Variants in SEC24D observed in about 807,000 individuals in gnomAD.
The protein encoded by SEC24D is protein transport protein Sec24D.
A neutral mutation model predicts 116.9 loss-of-function variants in SEC24D; 69 were observed. The observed-to-expected ratio is 0.59, with a 90% CI of 0.49 to 0.72. The LOEUF (loss-of-function observed/expected upper bound fraction) is 0.72. SEC24D is among the 30% of genes least tolerant of loss of function. The pLI, the probability that SEC24D is intolerant of heterozygous loss-of-function variation, is 0.00. For synonymous variants in SEC24D, 405 were observed against 442.8 expected (o/e 0.91, Z 1.07); for missense variants, 1,131 against 1,264.1 (o/e 0.89, Z 1.60).
chr4:118,730,111 T>G (rs530522870), intron 21 of SEC24D: 1 of 152,346 alleles, frequency 6.6e-6, no homozygotes, highest in South Asian at 2.1e-4. Flanking sequence ...CACTGGCTAT[T>G]TCCTGTGGAT....
chr4:118,801,697 G>A (rs766474174), intron 7 of SEC24D, among the ~76,000 whole-genome samples: 8 of 152,126 alleles, frequency 5.3e-5, no homozygotes, highest in Non-Finnish European at 7.4e-5. Flanking sequence ...CCTTTAAAGG[G>A]TTTATTTTTT....
intron 9 of SEC24D, among the ~76,000 whole-genome samples, chr4:118,765,921 C>T (rs753453406): frequency 2.0e-5 from 3 of 151,928 alleles, no homozygotes; most frequent in Non-Finnish European, 2.9e-5. Flanking sequence ...TTCTTATGCA[C>T]ATATGGATCT....
At chr4:118,768,057 A>G in intron 9 of SEC24D, 116 bp downstream of exon 9, 1 of 781,214 alleles carries the variant, frequency 1.3e-6, no homozygotes, top group South Asian at 2.7e-5. Context: ...AGAAAATTAT[A>G]AAGAAGGTAC....
rs1268030163 is a variant in SEC24D, at chr4:118,797,761, G to A, written c.963C>T (p.Cys321=). ...FIRCTTYCFP[C]TSDMAKQAQI... Reference sequence around the variant, plus strand: ...GAGCTTGCTTAGCCATATCTGACGTGCATGGAAAACAGTATGTTGTACAAC... The same window carrying A: ...GAGCTTGCTTAGCCATATCTGACGTACATGGAAAACAGTATGTTGTACAAC... Residue 321 remains cysteine (C), a synonymous_variant, in exon 8 of 23, where the codon TGC becomes TGT. Transcript: ENST00000280551. 6.8e-6 allele frequency: 11 copies of A among 1,611,166 alleles called. No individual in the cohort carries two copies. The highest frequency in any genetic ancestry group is 9.3e-6 in the Non-Finnish European group (11 of 1,177,842).
At chr4:118,816,015 G>A (rs1380898822) in intron 4 of SEC24D, among the ~76,000 whole-genome samples, 2 of 151,558 alleles carry the variant, frequency 1.3e-5, no homozygotes, top group African/African-American at 4.9e-5. Context: ...TCAACATCCT[G>A]GGCTCCAGTG....
At chr4:118,768,016 A>G (rs1194979838) in intron 9 of SEC24D, among the ~76,000 whole-genome samples, 157 bp downstream of exon 9, 1 of 152,238 alleles carries the variant, frequency 6.6e-6, no homozygotes, top group East Asian at 1.9e-4. Flanking sequence ...TAAATTTCCC[A>G]AATAGAGCCT....
chr4:118,833,481 G>T, intron 2 of SEC24D, 98 bp downstream of exon 2: 2 of 792,466 alleles, frequency 2.5e-6, no homozygotes, highest in South Asian at 3.7e-5. Flanking sequence ...ATTATATAAT[G>T]ATCATTCAAT....
intron 22 of SEC24D, among the ~76,000 whole-genome samples, chr4:118,725,255 A>G (rs2110422984): frequency 6.6e-6 from 1 of 152,330 alleles, no homozygotes; most frequent in African/African-American, 2.4e-5. Flanking sequence ...GCACTGGAAT[A>G]GCTGTGTGCA....
intron 8 of SEC24D, among the ~76,000 whole-genome samples, chr4:118,793,491 AAG>A (rs2110501416): frequency 7.1e-6 from 1 of 140,566 alleles, no homozygotes; most frequent in East Asian, 2.0e-4. Flanking sequence ...AAAAAAAAAA[AAG>A]AAGGCCCAAA....
chr4:118,788,375 T>C (rs1035199776), intron 8 of SEC24D, among the ~76,000 whole-genome samples: 5 of 152,202 alleles, frequency 3.3e-5, no homozygotes, highest in African/African-American at 1.2e-4. Context: ...AAGGTCACAA[T>C]ATAAGGCACA....
intron 22 of SEC24D, among the ~76,000 whole-genome samples, chr4:118,724,808 C>T (rs1323061396): frequency 3.3e-5 from 5 of 152,152 alleles, no homozygotes; most frequent in African/African-American, 7.2e-5. Flanking sequence ...GTTAACTGAG[C>T]CACACATGCA....
chr4:118,779,632 A>T (rs1269835770), intron 8 of SEC24D, among the ~76,000 whole-genome samples: 2 of 152,198 alleles, frequency 1.3e-5, no homozygotes, highest in Non-Finnish European at 2.9e-5. Flanking sequence ...TGAGTTAGGG[A>T]GGATTCCCTC....
At chr4:118,820,587 A>G (rs1385257156) in intron 3 of SEC24D, among the ~76,000 whole-genome samples, 3 of 152,104 alleles carry the variant, frequency 2.0e-5, no homozygotes, top group Non-Finnish European at 4.4e-5. Flanking sequence ...GTGTGTAACT[A>G]TAGGTAAGCC....
At chr4:118,812,834 C>G (rs79440408) in intron 6 of SEC24D, among the ~76,000 whole-genome samples, 2 of 152,118 alleles carry the variant, frequency 1.3e-5, no homozygotes, top group African/African-American at 4.8e-5. Context: ...ATACAAGTCA[C>G]CTATAGACGG....
At chr4:118,742,065 T>C (rs1560620839) in intron 15 of SEC24D, among the ~76,000 whole-genome samples, 1 of 152,162 alleles carries the variant, frequency 6.6e-6, no homozygotes. Flanking sequence ...ATTTCTTTTT[T>C]AGTAACATTG....
chr4:118,818,308 T>C (rs1187703318), intron 3 of SEC24D, among the ~76,000 whole-genome samples: 2 of 152,194 alleles, frequency 1.3e-5, no homozygotes, highest in Non-Finnish European at 2.9e-5. Context: ...TATTTCCCCA[T>C]GGCCCATGTC....
intron 9 of SEC24D, among the ~76,000 whole-genome samples, chr4:118,766,365 GTTCT>G (rs1160761241): frequency 6.6e-6 from 1 of 152,134 alleles, no homozygotes; most frequent in Non-Finnish European, 1.5e-5. Context: ...AGCCTGCTGG[GTTCT>G]TTCTAACTCC....
chr4:118,769,660 A>T (rs576318208), intron 8 of SEC24D: 3 of 152,272 alleles, frequency 2.0e-5, no homozygotes, highest in African/African-American at 7.2e-5. Flanking sequence ...AGCAGAAAAA[A>T]ACAGGTTTAT....
chr4:118,793,234 G>A (rs1397557622), intron 8 of SEC24D, among the ~76,000 whole-genome samples: 7 of 152,026 alleles, frequency 4.6e-5, no homozygotes, highest in Non-Finnish European at 8.8e-5. Flanking sequence ...TTGGGAGGCC[G>A]AGGCGGGCGG....
Sources: gnomAD v4.1 joint callset for allele counts (sites outside exome capture counted in the v4.1 genomes callset) on GRCh38, gnomAD v4.1.1 for gene constraint, MANE v1.5 for transcripts, NCBI Gene and HGNC (gene_info 2026-07-23, HGNC 2026-07-21) for gene names.